ACTG2: variants seen among roughly 807,000 people sequenced by gnomAD.
ACTG2 encodes actin gamma 2, smooth muscle.
Under a neutral mutation model 37.6 loss-of-function variants are expected in ACTG2, and 16 were observed. The observed-to-expected ratio is 0.43, with a 90% CI of 0.29 to 0.65. The LOEUF (loss-of-function observed/expected upper bound fraction) is 0.65, where lower values mean the gene tolerates loss of function less well. Ranked by LOEUF, ACTG2 falls within the 30% of genes least tolerant of loss-of-function variation. The pLI, the probability that ACTG2 is intolerant of heterozygous loss-of-function variation, is 0.18. For missense variants in ACTG2, 238 were observed against 490.9 expected (o/e 0.48, Z 4.87); for synonymous variants, 181 against 179.9 (o/e 1.01, Z -0.05).
intron 8 of ACTG2, 59 bp downstream of exon 8, chr2:73,916,824 G>T: frequency 6.4e-7 from 1 of 1,562,808 alleles, no homozygotes; most frequent in South Asian, 1.2e-5. Context: ...GCCTACCTGG[G>T]AGTTCCTCGG....
chr2:73,904,777 G>GTATGTA (rs1679982073), intron 3 of ACTG2, among the ~76,000 whole-genome samples: 1 of 42,608 alleles, frequency 2.3e-5, no homozygotes, highest in Admixed American at 3.4e-4. Flanking sequence ...GTGTGTGTGT[G>GTATGTA]TATATATATA....
In ACTG2 at chr2:73,902,882, G is replaced by A. The variant is rs1388774824; in HGVS notation, c.255+394G>A. 4.7e-6 allele frequency: 5 copies of A among 1,062,720 alleles called. No homozygotes were observed. In the Admixed American group the frequency reaches 8.1e-5, roughly 17 times the overall value. The allele number at this position is 1,062,720 out of a possible 1,614,324, so 65.8% of individuals were successfully genotyped here. The stretch of plus-strand genomic sequence containing the variant: ...GGACCTTTCCCTGCCTGATCCCCGC[G>A]ATCATCTTTTCCTGCAATATTTACT... On this transcript the variant is annotated intron_variant, in intron 3 of 8. Coordinates refer to ENST00000345517, the MANE Select transcript of ACTG2 (RefSeq NM_001615.4).
chr2:73,895,048 G>A (rs537525078), intron 1 of ACTG2, among the ~76,000 whole-genome samples: 1 of 152,282 alleles, frequency 6.6e-6, no homozygotes, highest in African/African-American at 2.4e-5. Context: ...AGTAAGAAGG[G>A]CTGGTGATAG....
intron 1 of ACTG2, among the ~76,000 whole-genome samples, chr2:73,895,166 C>G (rs1262406519): frequency 6.6e-6 from 1 of 151,760 alleles, no homozygotes; most frequent in Non-Finnish European, 1.5e-5. Context: ...GGAGAGCAGT[C>G]CTGGAGGTGT....
intron 3 of ACTG2, 88 bp downstream of exon 3, chr2:73,902,576 A>G (rs1345370642): frequency 8.9e-6 from 14 of 1,578,644 alleles, no homozygotes; most frequent in South Asian, 2.3e-5. Flanking sequence ...TGCTCTGTCA[A>G]CTCTCCCTCT....
intron 8 of ACTG2, among the ~76,000 whole-genome samples, chr2:73,917,435 C>T (rs1404343775): frequency 1.3e-5 from 2 of 152,200 alleles, no homozygotes; most frequent in African/African-American, 4.8e-5. Flanking sequence ...ATGCCCTTCC[C>T]CATACTGCCT....
intron 1 of ACTG2, among the ~76,000 whole-genome samples, chr2:73,894,111 A>G (rs757133148): frequency 6.6e-6 from 1 of 152,186 alleles, no homozygotes; most frequent in Non-Finnish European, 1.5e-5. Context: ...CTGAGTTCTC[A>G]AACTTTAAGA....
At chr2:73,915,067 G>A (rs1239478472) in intron 7 of ACTG2, among the ~76,000 whole-genome samples, 196 bp downstream of exon 7, 1 of 152,062 alleles carries the variant, frequency 6.6e-6, no homozygotes, top group East Asian at 1.9e-4. Flanking sequence ...AAAGGGAAAG[G>A]AAATCAAGAT....
chr2:73,901,146 C>G, intron 1 of ACTG2, 130 bp from the exon 2 acceptor site: 2 of 703,274 alleles, frequency 2.8e-6, no homozygotes, highest in East Asian at 6.5e-5. Context: ...GAGTGGGAGG[C>G]CAAGCCCATG....
In ACTG2 at chr2:73,919,581, G is replaced by C; in HGVS notation, c.*6G>C. On this transcript the variant is annotated 3_prime_UTR_variant, in exon 9 of 9. Transcript: ENST00000345517. ...TCCACAGGAAGTGCTTCTAAAGTCA[G>C]AACAGGTTCTCCAAGGATCCCCTCG... is the stretch of plus-strand genomic sequence containing the variant. The C allele has an allele frequency of 6.2e-7, 1 of 1,613,512 alleles. No individual in the cohort carries two copies. The highest frequency in any genetic ancestry group is 8.5e-7 in the Non-Finnish European group (1 of 1,179,796).
Position 73,916,551 on chromosome 2 carries a change from T to C in ACTG2, c.806-33T>C, listed in dbSNP as rs771918085. The C allele has an allele frequency of 1.9e-6, 3 of 1,588,782 alleles. No individual in the cohort carries two copies. In the South Asian group the frequency reaches 3.4e-5, roughly 18 times the overall value. ...GGAGGTGTGCATATTTAGGAAGTGA[T>C]GCCTGTTGACCAGACACTGTGATCT... On this transcript the variant is annotated intron_variant, in intron 7 of 8. Coordinates refer to ENST00000345517, the MANE Select transcript of ACTG2 (RefSeq NM_001615.4).
chr2:73,897,933 G>C (rs831543), intron 1 of ACTG2, among the ~76,000 whole-genome samples: 113,668 of 152,134 alleles, frequency 0.75, 42,929 homozygotes, highest in Admixed American at 0.82. Context: ...GAACCCTGCT[G>C]TTAAAATTGG....
At position 73,895,957 on chromosome 2, in the gene ACTG2, CTT is replaced by C. The variant is rs560616275; in HGVS notation, c.-37+2908_-37+2909del. Among the ~76,000 whole-genome samples, 10 of 152,286 alleles carry C rather than the reference CTT, an allele frequency of 6.6e-5. No individual in the cohort carries two copies. The East Asian group carries it at 1.5e-3, about 23-fold the overall frequency. On this transcript the variant is annotated intron_variant, in intron 1 of 8. Transcript: ENST00000345517. ...TGGATGTGGCTGTGTTTCAGTAAGA[CTT>C]TATTAGACTCTGAGATTTGAATGTC...
rs142199274 is a variant in ACTG2 at position 73,898,686 on chromosome 2, C to T, written c.-36-2590C>T. Among the ~76,000 whole-genome samples, 438 of 152,186 alleles carry T rather than the reference C, an allele frequency of 2.9e-3. 4 individuals carry two copies. Among genetic ancestry groups the T allele is most frequent in the African/African-American group, 0.01 (426 of 41,538 alleles). The stretch of plus-strand genomic sequence containing the variant: ...CCAAGAACCACACACAGTACCCCAG[C>T]TAAAGGCAAAGGTAGCTTTTATCCT... On this transcript the variant is annotated intron_variant, in intron 1 of 8. Transcript: ENST00000345517.
intron 3 of ACTG2, among the ~76,000 whole-genome samples, chr2:73,903,946 A>C (rs1394126685): frequency 5.2e-5 from 5 of 95,842 alleles, no homozygotes; most frequent in South Asian, 6.0e-4. Flanking sequence ...TCTCAAAAAA[A>C]AAAAAAAAAA....
intron 6 of ACTG2, 120 bp downstream of exon 6, chr2:73,913,766 C>T: frequency 1.2e-6 from 1 of 842,682 alleles, no homozygotes. Context: ...CTGAGATAGA[C>T]TGAGAGGCCT....
At chr2:73,913,713 C>G in intron 6 of ACTG2, 67 bp downstream of exon 6, 3 of 1,383,836 alleles carry the variant, frequency 2.2e-6, no homozygotes, top group Non-Finnish European at 3.0e-6. Context: ...AAGAAGTTCT[C>G]AGGACCAATG....
chr2:73,914,685 A>G lies in ACTG2; in HGVS notation c.619A>G (p.Arg207Gly). 1 of 1,579,936 alleles carries G rather than the reference A, an allele frequency of 6.3e-7. No individual in the cohort carries two copies. The highest frequency in any genetic ancestry group is 8.6e-7 in the Non-Finnish European group (1 of 1,161,542). Residue 207 changes from arginine to glycine, a missense_variant, in exon 7 of 9, where the codon AGA becomes GGA. Transcript: ENST00000345517. ...RGYSFVTTAE[R>G]EIVRDIKEKL... is the part of the protein sequence containing the mutation. ...GTCATTTCTGCTCCTTCCAGCTGAG[A>G]GAGAAATTGTGCGAGACATCAAGGA...
chr2:73,916,594 C>A lies in ACTG2; in HGVS notation c.816C>A (p.Ser272=). ...LFQPSFIGME[S]AGIHETTYNS... ...TGTGATCTCCACTAGGCATGGAGTCCGCTGGAATTCATGAGACAACCTACA... is the reference window on the plus strand; with the variant it reads ...TGTGATCTCCACTAGGCATGGAGTCAGCTGGAATTCATGAGACAACCTACA... Residue 272 remains serine, a synonymous_variant, in exon 8 of 9, where the codon TCC becomes TCA. Coordinates refer to ENST00000345517, the MANE Select transcript of ACTG2 (RefSeq NM_001615.4). 1 of 1,612,892 alleles carries A rather than the reference C, an allele frequency of 6.2e-7. No individual in the cohort carries two copies. Among genetic ancestry groups the A allele is most frequent in the East Asian group, 2.2e-5 (1 of 44,850 alleles).
Sources: allele counts gnomAD v4.1 joint callset (sites outside exome capture counted in the v4.1 genomes callset), GRCh38; gene constraint gnomAD v4.1.1; transcripts MANE v1.5; gene names NCBI Gene and HGNC (gene_info 2026-07-23, HGNC 2026-07-21).